The following PCDH15 variants were observed in gnomAD, a reference collection of about 807,000 sequenced individuals.
PCDH15 encodes protocadherin related 15.
A neutral mutation model predicts 178.5 loss-of-function variants in PCDH15; 129 were observed. That is an observed-to-expected ratio of 0.72 (90% CI 0.63 to 0.84). PCDH15 has a LOEUF of 0.84. Among genes scored for constraint, PCDH15 ranks in the 40% least tolerant of loss-of-function variants. The pLI, the probability that PCDH15 is intolerant of heterozygous loss-of-function variation, is 0.00. For synonymous variants in PCDH15, 800 were observed against 732.0 expected (o/e 1.09, Z -1.50); for missense variants, 2,230 against 2,099.9 (o/e 1.06, Z -1.21).
intron 25 of PCDH15, among the ~76,000 whole-genome samples, chr10:53,911,924 G>A (rs968170058): frequency 3.9e-5 from 6 of 152,138 alleles, no homozygotes; most frequent in African/African-American, 1.4e-4. Flanking sequence ...GAAAAAGAGG[G>A]AATCCTCCCT....
intron 3 of PCDH15, among the ~76,000 whole-genome samples, chr10:54,512,787 A>G (rs866631387): frequency 2.0e-5 from 3 of 152,096 alleles, no homozygotes; most frequent in African/African-American, 7.2e-5. Context: ...TTAATTCAAA[A>G]TATTATATTC....
intron 8 of PCDH15, among the ~76,000 whole-genome samples, chr10:54,247,868 A>G (rs1285153396): frequency 7.6e-6 from 1 of 131,146 alleles, no homozygotes; most frequent in African/African-American, 3.6e-5. Context: ...ACTCTTTCTC[A>G]AAAAAAAAAA....
At chr10:55,051,403 A>G (rs2131988071) in intron 2 of PCDH15, among the ~76,000 whole-genome samples, 1 of 152,296 alleles carries the variant, frequency 6.6e-6, no homozygotes, top group African/African-American at 2.4e-5. Flanking sequence ...TAGCAATACC[A>G]TTCTTCATTT....
rs143336585 is a variant in PCDH15 at position 55,317,538 on chromosome 10, A to C, written c.-156+2061T>G. Among the ~76,000 whole-genome samples, 11 of 152,180 alleles carry C rather than the reference A, an allele frequency of 7.2e-5. No individual in the cohort carries two copies. The East Asian group carries it at 1.7e-3, about 24-fold the overall frequency. On this transcript the variant is annotated intron_variant, in intron 1 of 5. Transcript: ENST00000458638. ...TCAATAGGGTTATAGTCTATAATGA[A>C]CTTATTAAGAGTTTTTAATAATTTC... is the stretch of plus-strand genomic sequence containing the variant.
chr10:55,004,019 A>T (rs1159499714), intron 2 of PCDH15, among the ~76,000 whole-genome samples: 6 of 151,588 alleles, frequency 4.0e-5, no homozygotes, highest in African/African-American at 1.5e-4. Flanking sequence ...CAATGAAGCT[A>T]ACTTAGGAGA....
intron 3 of PCDH15, among the ~76,000 whole-genome samples, chr10:54,862,555 G>T (rs540484808): frequency 2.0e-5 from 3 of 152,266 alleles, no homozygotes; most frequent in African/African-American, 7.2e-5. Context: ...ACGCAGCATT[G>T]TTGGGAGGTA....
At chr10:54,965,952 A>G (rs1838777337) in intron 2 of PCDH15, among the ~76,000 whole-genome samples, 1 of 150,778 alleles carries the variant, frequency 6.6e-6, no homozygotes, top group East Asian at 1.9e-4. Flanking sequence ...TATATAATAC[A>G]TAATTATATA....
intron 8 of PCDH15, among the ~76,000 whole-genome samples, chr10:54,275,986 C>T (rs1223184788): frequency 6.6e-6 from 1 of 151,638 alleles, no homozygotes; most frequent in Non-Finnish European, 1.5e-5. Flanking sequence ...CTGCCCAGTA[C>T]ACAAAAATCA....
intron 20 of PCDH15, among the ~76,000 whole-genome samples, chr10:54,011,375 G>A (rs1303188444): frequency 6.6e-6 from 1 of 152,116 alleles, no homozygotes; most frequent in Non-Finnish European, 1.5e-5. Context: ...ATTTTTCTGG[G>A]GTGGAGCACC....
chr10:54,510,469 A>G (rs1307385430), intron 3 of PCDH15, among the ~76,000 whole-genome samples: 1 of 152,192 alleles, frequency 6.6e-6, no homozygotes, highest in East Asian at 1.9e-4. Flanking sequence ...CTAACCAAAG[A>G]GTAACTTCAG....
At chr10:54,275,356 T>C (rs1462343339) in intron 8 of PCDH15, among the ~76,000 whole-genome samples, 1 of 151,842 alleles carries the variant, frequency 6.6e-6, no homozygotes, top group East Asian at 1.9e-4. Flanking sequence ...TTAACTTTAA[T>C]AGATGCAGAA....
chr10:55,300,472 A>G (rs962527865), intron 1 of PCDH15, among the ~76,000 whole-genome samples: 4 of 152,210 alleles, frequency 2.6e-5, no homozygotes, highest in Admixed American at 2.0e-4. Context: ...TCTGTCAAGC[A>G]ATATACCTCT....
At chr10:55,432,082 A>AACACACAC (rs58866288) in intron 2 of PCDH15, among the ~76,000 whole-genome samples, 3,192 of 148,464 alleles carry the variant, frequency 0.022, 79 homozygotes, top group South Asian at 0.082. Context: ...CTATCATTTA[A>AACACACAC]ACACACACAC....
intron 2 of PCDH15, chr10:54,655,436 T>G (rs1424113544): frequency 8.6e-6 from 1 of 115,796 alleles, no homozygotes; most frequent in Non-Finnish European, 1.9e-5. Context: ...GGGGTGTGTG[T>G]GTGTGTGTGT....
At chr10:55,232,214 T>C (rs975377922) in intron 1 of PCDH15, among the ~76,000 whole-genome samples, 3 of 152,030 alleles carry the variant, frequency 2.0e-5, no homozygotes, top group Non-Finnish European at 4.4e-5. Context: ...TCATATGTTA[T>C]ATTTAGATAT....
chr10:54,306,071 T>G (rs934055108), intron 8 of PCDH15, among the ~76,000 whole-genome samples: 27 of 151,986 alleles, frequency 1.8e-4, no homozygotes, highest in African/African-American at 6.5e-4. Context: ...TAATGTCTAT[T>G]TTTCAATGCC....
chr10:54,215,647 G>C (rs1338171210), intron 9 of PCDH15, among the ~76,000 whole-genome samples: 2 of 152,158 alleles, frequency 1.3e-5, no homozygotes, highest in Non-Finnish European at 2.9e-5. Context: ...CAAGAAGTCA[G>C]GAAGAAAAAG....
chr10:53,888,664 G>GAGAT (rs71461211), intron 26 of PCDH15, among the ~76,000 whole-genome samples: 8 of 17,026 alleles, frequency 4.7e-4, no homozygotes, highest in Admixed American at 1.2e-3. Flanking sequence ...AGTTAAGTTT[G>GAGAT]ATATATATAT....
chr10:53,809,031 TTCCTTGACC>T (rs1470646893), intron 37 of PCDH15: 7 of 1,602,098 alleles, frequency 4.4e-6, no homozygotes, highest in East Asian at 2.2e-5. Flanking sequence ...TACCCTTGAC[TTCCTTGACC>T]TCCTCAACCA....
Sources: gnomAD v4.1 joint callset for allele counts (sites outside exome capture counted in the v4.1 genomes callset) on GRCh38, gnomAD v4.1.1 for gene constraint, MANE v1.5 for transcripts, NCBI Gene and HGNC (gene_info 2026-07-23, HGNC 2026-07-21) for gene names.